HPSE2: variants seen among roughly 807,000 people sequenced by gnomAD.
HPSE2 encodes the protein heparanase 2 (inactive).
In HPSE2, 38 loss-of-function variants were observed where a neutral mutation model predicts 60.5. That is an observed-to-expected ratio of 0.63 (90% CI 0.48 to 0.82). The LOEUF (loss-of-function observed/expected upper bound fraction) is 0.82. HPSE2 is among the 40% of genes least tolerant of loss of function. The pLI, the probability that HPSE2 is intolerant of heterozygous loss-of-function variation, is 0.00. For synonymous variants in HPSE2, 295 were observed against 293.2 expected, an observed-to-expected ratio of 1.01 and a Z score of -0.06; for missense variants, 713 against 740.4, an observed-to-expected ratio of 0.96 and a Z score of 0.43.
At chr10:98,728,475 C>G (rs113414005) in intron 4 of HPSE2, among the ~76,000 whole-genome samples, 26,595 of 151,902 alleles carry the variant, frequency 0.18, 2,526 homozygotes, top group Admixed American at 0.24. Context: ...AAAATTACCC[C>G]TGTGTGGTGC....
chr10:98,528,209 G>A (rs1458633318), intron 9 of HPSE2, among the ~76,000 whole-genome samples: 1 of 152,090 alleles, frequency 6.6e-6, no homozygotes, highest in Non-Finnish European at 1.5e-5. Flanking sequence ...AACAATTAAA[G>A]GGATCCTCAT....
At chr10:98,665,585 C>T (rs946577356) in intron 6 of HPSE2, among the ~76,000 whole-genome samples, 1 of 152,168 alleles carries the variant, frequency 6.6e-6, no homozygotes, top group Non-Finnish European at 1.5e-5. Flanking sequence ...TAGCAGCAGA[C>T]CTTTCAGCAG....
At chr10:99,257,821 A>G in the HPSE2 span, among the ~76,000 whole-genome samples, 1 of 152,062 alleles carries the variant, frequency 6.6e-6, no homozygotes, top group African/African-American at 2.4e-5. Context: ...GCATCACGGA[A>G]CCTGCCGACA....
At chr10:98,992,405 A>T (rs2135345911) in intron 3 of HPSE2, among the ~76,000 whole-genome samples, 1 of 152,338 alleles carries the variant, frequency 6.6e-6, no homozygotes, top group South Asian at 2.1e-4. Flanking sequence ...AATTTTTTCC[A>T]GAACACAGGC....
chr10:99,100,690 T>A (rs1843931240), intron 3 of HPSE2, among the ~76,000 whole-genome samples: 3 of 152,140 alleles, frequency 2.0e-5, no homozygotes, highest in Admixed American at 6.5e-5. Flanking sequence ...CACATAATTG[T>A]CAGATTCACC....
At chr10:99,047,831 T>C in intron 3 of HPSE2, 1 of 798,940 alleles carries the variant, frequency 1.3e-6, no homozygotes, top group Non-Finnish European at 2.2e-6. Context: ...TAGGCAGATG[T>C]ACAGAACTGA....
intron 3 of HPSE2, among the ~76,000 whole-genome samples, chr10:98,765,209 C>A (rs1466298668): frequency 6.6e-6 from 1 of 152,128 alleles, no homozygotes; most frequent in Non-Finnish European, 1.5e-5. Flanking sequence ...TAGTAAAGTA[C>A]ATTCTTTAGC....
chr10:99,286,057 T>A, the HPSE2 span, among the ~76,000 whole-genome samples: 1 of 151,008 alleles, frequency 6.6e-6, no homozygotes, highest in Non-Finnish European at 1.5e-5. Flanking sequence ...ATAACAAAAG[T>A]GAGAGAGAGA....
rs114412828 is a variant in HPSE2 at position 98,556,661 on chromosome 10, G to T, written c.1320+58243C>A. 8.7e-3 allele frequency among the ~76,000 whole-genome samples: 1,325 copies of T among 151,998 alleles called. 17 individuals are homozygous for T. The highest frequency in any genetic ancestry group is 0.031 in the African/African-American group (1,269 of 41,444). ...ATAAAACCTTATGGAAAGGAATGAA[G>T]AACTCAAAATAAATGAAGGGATTTA... is the stretch of plus-strand genomic sequence containing the variant. On this transcript the variant is annotated intron_variant, in intron 9 of 11. Coordinates refer to ENST00000370552, the MANE Select transcript of HPSE2 (RefSeq NM_021828.5).
intron 3 of HPSE2, among the ~76,000 whole-genome samples, chr10:99,000,193 A>G (rs2135370322): frequency 6.6e-6 from 1 of 152,294 alleles, no homozygotes; most frequent in East Asian, 1.9e-4. Flanking sequence ...GAAAGTGTGT[A>G]TTAACTGTCA....
At chr10:98,574,455 A>G (rs943073555) in intron 9 of HPSE2, among the ~76,000 whole-genome samples, 8 of 152,208 alleles carry the variant, frequency 5.3e-5, no homozygotes, top group Non-Finnish European at 1.2e-4. Flanking sequence ...CTGTAATTAA[A>G]AATTAATTCA....
At chr10:99,019,865 C>T (rs1007336220) in intron 3 of HPSE2, among the ~76,000 whole-genome samples, 5 of 151,984 alleles carry the variant, frequency 3.3e-5, no homozygotes, top group South Asian at 4.2e-4. Flanking sequence ...GCATGCACCA[C>T]CATGCCTGGC....
chr10:99,187,503 A>C (rs1848071632), intron 2 of HPSE2, among the ~76,000 whole-genome samples: 1 of 152,238 alleles, frequency 6.6e-6, no homozygotes, highest in African/African-American at 2.4e-5. Flanking sequence ...CAAATATCTG[A>C]CAAAAGACTG....
At chr10:99,262,963 C>A in the HPSE2 span, among the ~76,000 whole-genome samples, 1 of 152,158 alleles carries the variant, frequency 6.6e-6, no homozygotes, top group Non-Finnish European at 1.5e-5. Flanking sequence ...TTACACACAG[C>A]CGAAGTGTGG....
intron 6 of HPSE2, among the ~76,000 whole-genome samples, chr10:98,678,710 G>A (rs1947709606): frequency 6.6e-6 from 1 of 151,380 alleles, no homozygotes; most frequent in Admixed American, 6.6e-5. Context: ...GTCTCTGGTG[G>A]GAGCTAGGCA....
intron 3 of HPSE2, among the ~76,000 whole-genome samples, chr10:99,075,879 A>G (rs1487086416): frequency 1.3e-5 from 2 of 152,004 alleles, no homozygotes; most frequent in African/African-American, 4.8e-5. Context: ...ATATTTTTCT[A>G]TCCCTTCACT....
intron 4 of HPSE2, among the ~76,000 whole-genome samples, chr10:98,738,849 T>C (rs574912543): frequency 6.6e-6 from 1 of 152,216 alleles, no homozygotes; most frequent in African/African-American, 2.4e-5. Flanking sequence ...TGTGGAGAAA[T>C]AGGAATGCTT....
intron 9 of HPSE2, among the ~76,000 whole-genome samples, chr10:98,597,776 G>C (rs1945283766): frequency 6.6e-6 from 1 of 151,744 alleles, no homozygotes; most frequent in South Asian, 2.1e-4. Flanking sequence ...TTTGAGACCA[G>C]CTTGGCCAAT....
intron 3 of HPSE2, among the ~76,000 whole-genome samples, chr10:99,078,846 C>T (rs1006078757): frequency 6.6e-6 from 1 of 152,176 alleles, no homozygotes; most frequent in African/African-American, 2.4e-5. Context: ...ATCAGCCTAG[C>T]TAGAAATTCT....
Sources: gnomAD v4.1 joint callset for allele counts (sites outside exome capture counted in the v4.1 genomes callset) on GRCh38, gnomAD v4.1.1 for gene constraint, MANE v1.5 for transcripts, NCBI Gene and HGNC (gene_info 2026-07-23, HGNC 2026-07-21) for gene names.